UGT2A1: variants seen among roughly 807,000 people sequenced by gnomAD.
UGT2A1 encodes the protein UDP glucuronosyltransferase family 2 member A1 complex locus.
UGT2A1 carries 61 observed loss-of-function variants against 45.4 expected under a neutral mutation model. The ratio of observed to expected loss-of-function variants is 1.34; its 90% confidence interval spans 1.09 to 1.66. The LOEUF (loss-of-function observed/expected upper bound fraction) is 1.66. Among genes scored for constraint, UGT2A1 ranks in the 40% most tolerant of loss-of-function variants. UGT2A1 has a pLI of 0.00. For missense variants in UGT2A1, 649 were observed against 574.3 expected (o/e 1.13, Z -1.33); for synonymous variants, 229 against 196.2 (o/e 1.17, Z -1.40).
Position 69,603,883 on chromosome 4 carries a change from A to C in UGT2A1, c.848-4489T>G, listed in dbSNP as rs956370645. On this transcript the variant is annotated intron_variant, in intron 3 of 6. Coordinates refer to ENST00000286604, the MANE Select transcript of UGT2A1 (RefSeq NM_001252275.3). ...GTTTAGAGAAAAAAGAATAAAAAGA[A>C]ACGAACAAAGCCTCCAAGAAATATG... Among the ~76,000 whole-genome samples, 4 of 136,322 alleles carry C rather than the reference A, an allele frequency of 2.9e-5. 1 individual carries two copies. Among genetic ancestry groups the C allele is most frequent in the African/African-American group, 1.2e-4 (4 of 33,594 alleles). 89.4% of individuals were successfully genotyped at this position (136,322 alleles called of 152,430 possible). A position where few individuals can be genotyped will look rare whatever the true frequency, so the allele number is the denominator to read the frequency against.
rs146047027 is a variant in UGT2A1, at chr4:69,594,585, T to C, written c.1196A>G (p.Asp399Gly). The change falls in exon 6 of 7, where the codon GAT becomes GGT. Residue 399 changes from aspartate (D) to glycine (G), a missense_variant. Asp to Gly is a moderately conservative substitution (Grantham distance 94). Coordinates refer to ENST00000286604, the MANE Select transcript of UGT2A1 (RefSeq NM_001252275.3). Reference sequence around the variant, plus strand: ...TTTGGCCTTCATGTGAGCAATGTTATCAGGCTGATCAGCAAACATGGGAAC... The same window carrying C: ...TTTGGCCTTCATGTGAGCAATGTTACCAGGCTGATCAGCAAACATGGGAAC... The part of the protein sequence containing the change: ...VGVPMFADQP[D>G]NIAHMKAKGA... 1.2e-6 allele frequency: 2 copies of C among 1,614,046 alleles called. No homozygotes were observed. The highest frequency in any genetic ancestry group is 1.3e-5 in the African/African-American group (1 of 74,932).
intron 3 of UGT2A1, among the ~76,000 whole-genome samples, chr4:69,632,670 A>T (rs1721451916): frequency 6.6e-6 from 1 of 152,086 alleles, no homozygotes; most frequent in South Asian, 2.1e-4. Flanking sequence ...CGGGCAGATC[A>T]CAAAGTCAAG....
chr4:69,647,566 G>C lies in UGT2A1; in HGVS notation c.79C>G (p.Pro27Ala). The change falls in exon 2 of 7, where the codon CCA (proline) becomes GCA (alanine). Residue 27 changes from proline (P) to alanine (A), a missense_variant. Transcript: ENST00000286604. Reference sequence around the variant, plus strand: ...TTTAGCCAATGACTACCTTCCATTGGCCAAATCAAAACATTCCCACCAAGA... The same window carrying C: ...TTTAGCCAATGACTACCTTCCATTGCCCAAATCAAAACATTCCCACCAAGA... ...TTLGGNVLIWPMEGSHWLNVK... is the reference protein window; with the variant it reads ...TTLGGNVLIWAMEGSHWLNVK... 6.2e-7 allele frequency: 1 copy of C among 1,611,704 alleles called. No individual in the cohort carries two copies. Among genetic ancestry groups the C allele is most frequent in the Non-Finnish European group, 8.5e-7 (1 of 1,178,800 alleles).
At chr4:69,636,491 T>C (rs1297313295) in intron 2 of UGT2A1, among the ~76,000 whole-genome samples, 3 of 152,066 alleles carry the variant, frequency 2.0e-5, no homozygotes, top group Non-Finnish European at 2.9e-5. Flanking sequence ...GTAAATAGGA[T>C]ATTTAATTTC....
intron 2 of UGT2A1, among the ~76,000 whole-genome samples, chr4:69,636,147 T>A (rs1721698173): frequency 6.6e-6 from 1 of 152,172 alleles, no homozygotes; most frequent in African/African-American, 2.4e-5. Context: ...TTTGGAGTTC[T>A]TCTTTGTCAC....
chr4:69,594,543 A>C lies in UGT2A1; in HGVS notation c.1238T>G (p.Val413Gly), dbSNP rs777946521. Residue 413 changes from valine to glycine, a missense_variant, in exon 6 of 7, where the codon GTG becomes GGG. By Grantham distance (109) the Val-to-Gly change is moderately radical. Coordinates refer to ENST00000286604, the MANE Select transcript of UGT2A1 (RefSeq NM_001252275.3). ...CACACTTGTCATTGTGTTTAGGTTC[A>C]CTTCCACAGCTGCTCCTTTGGCCTT... The part of the protein sequence containing the change: ...HMKAKGAAVE[V>G]NLNTMTSVDL... The C allele has an allele frequency of 1.2e-6, 2 of 1,614,058 alleles. No homozygotes were observed. The highest frequency in any genetic ancestry group is 2.7e-5 in the African/African-American group (2 of 74,932).
intron 4 of UGT2A1, among the ~76,000 whole-genome samples, chr4:69,596,615 C>T (rs906400759): frequency 1.3e-5 from 2 of 152,062 alleles, no homozygotes; most frequent in African/African-American, 2.4e-5. Context: ...CTCACCTCCC[C>T]GGTTCAAGTG....
At position 69,652,542 on chromosome 4, in the gene UGT2A1, A is replaced by G. The variant is rs151135146; in HGVS notation, c.-55+646T>C. ...CTCCTCGGCCTCCCAAAGTGCTGGG[A>G]TTACAGGGGTGAGCCACCGCGCCTG... On this transcript the variant is annotated intron_variant, in intron 1 of 6. Coordinates refer to ENST00000286604, the MANE Select transcript of UGT2A1 (RefSeq NM_001252275.3). Among the ~76,000 whole-genome samples, 26 of 152,166 alleles carry G rather than the reference A, an allele frequency of 1.7e-4. No homozygotes were observed. In the East Asian group the frequency reaches 5.0e-3, roughly 29 times the overall value.
chr4:69,649,978 CT>C (rs1164804188), intron 1 of UGT2A1, among the ~76,000 whole-genome samples: 1 of 152,004 alleles, frequency 6.6e-6, no homozygotes, highest in Admixed American at 6.6e-5. Flanking sequence ...AAATAAAAAT[CT>C]TTTTTTGTGT....
At chr4:69,595,905 C>G (rs1038007667) in intron 4 of UGT2A1, among the ~76,000 whole-genome samples, 2 of 152,074 alleles carry the variant, frequency 1.3e-5, no homozygotes, top group Non-Finnish European at 2.9e-5. Flanking sequence ...TTTCCTGGAC[C>G]ATGGAGCTAA....
intron 4 of UGT2A1, among the ~76,000 whole-genome samples, chr4:69,597,465 A>C (rs1451121306): frequency 1.3e-5 from 2 of 152,280 alleles, no homozygotes; most frequent in Non-Finnish European, 1.5e-5. Flanking sequence ...CTTTCACATC[A>C]TATCTATATG....
At position 69,593,967 on chromosome 4, in the gene UGT2A1, C is replaced by CTTTTTTTTTTTTTTTTTTTTTTTTTTT. The variant is rs200066453; in HGVS notation, c.1304+509_1304+510insAAAAAAAAAAAAAAAAAAAAAAAAAAA. Among the ~76,000 whole-genome samples, 3 of 107,818 alleles carry CTTTTTTTTTTTTTTTTTTTTTTTTTTT rather than the reference C, an allele frequency of 2.8e-5. 1 individual carries two copies. The highest frequency in any genetic ancestry group is 7.0e-5 in the African/African-American group (2 of 28,582). The allele number at this position is 107,818 out of a possible 152,430, so 70.7% of individuals were successfully genotyped here. A position where few individuals can be genotyped will look rare whatever the true frequency, so the allele number is the denominator to read the frequency against. On this transcript the variant is annotated intron_variant, in intron 6 of 6. Transcript: ENST00000286604. ...AAAATATTGAAATAATATTTGAAGT[C>CTTTTTTTTTTTTTTTTTTTTTTTTTTT]TTTTTTTTTGTTTGTTTTTTTTTTT...
Position 69,588,745 on chromosome 4 carries a change from G to T in UGT2A1, c.*627C>A, listed in dbSNP as rs532343123. ...ATATAAGAATATATGTTGAAGAAAG[G>T]CAGGCAAGTTATGCCGTGATTTTCT... On this transcript the variant is annotated 3_prime_UTR_variant, in exon 7 of 7. Transcript: ENST00000286604. 1 of 151,958 alleles carries T rather than the reference G, an allele frequency of 6.6e-6. No individual in the cohort carries two copies. Among genetic ancestry groups the T allele is most frequent in the Non-Finnish European group, 1.5e-5 (1 of 68,006 alleles). 9.4% of individuals were successfully genotyped at this position (151,958 alleles called of 1,614,324 possible).
At chr4:69,639,234 T>A (rs1376522752) in intron 2 of UGT2A1, 1 of 1,613,730 alleles carries the variant, frequency 6.2e-7, no homozygotes, top group Admixed American at 1.7e-5. Flanking sequence ...TAGTACACCA[T>A]CACAGAGTTG....
chr4:69,639,629 T>C (rs1396306472), intron 2 of UGT2A1: 6 of 1,581,184 alleles, frequency 3.8e-6, no homozygotes, highest in Non-Finnish European at 5.1e-6. Context: ...TAAAATCCCT[T>C]ATGGAAACCA....
intron 3 of UGT2A1, among the ~76,000 whole-genome samples, chr4:69,624,879 C>A (rs1720952818): frequency 1.3e-5 from 2 of 151,190 alleles, no homozygotes; most frequent in African/African-American, 4.8e-5. Context: ...GACTTATTTA[C>A]AATTTTTGTC....
At chr4:69,625,622 T>C (rs530804457) in intron 3 of UGT2A1, among the ~76,000 whole-genome samples, 15 of 151,542 alleles carry the variant, frequency 9.9e-5, no homozygotes, top group African/African-American at 3.6e-4. Flanking sequence ...ATAGAAATTT[T>C]ATTTTTCTCA....
rs141808474 is a variant in UGT2A1, at chr4:69,622,303, G to A, written c.847+13388C>T. Among the ~76,000 whole-genome samples the A allele has an allele frequency of 1.8e-3, 271 of 151,496 alleles. 3 individuals carry two copies. Among genetic ancestry groups the A allele is most frequent in the African/African-American group, 5.8e-3 (242 of 41,390 alleles). Reference sequence around the variant, plus strand: ...TATAATGTATAACACCACAAAGATGGGAAATTGGCATACAAAAAGTTAGAG... The same window carrying A: ...TATAATGTATAACACCACAAAGATGAGAAATTGGCATACAAAAAGTTAGAG... On this transcript the variant is annotated intron_variant, in intron 3 of 6. Transcript: ENST00000286604.
chr4:69,594,995 C>A (rs145169417), intron 5 of UGT2A1, among the ~76,000 whole-genome samples, 167 bp downstream of exon 5: 52 of 152,212 alleles, frequency 3.4e-4, no homozygotes, highest in African/African-American at 1.3e-3. Context: ...CAGAGGAAGC[C>A]TGAGTCTATA....
Sources: allele counts gnomAD v4.1 joint callset (sites outside exome capture counted in the v4.1 genomes callset), GRCh38; gene constraint gnomAD v4.1.1; transcripts MANE v1.5; gene names NCBI Gene and HGNC (gene_info 2026-07-23, HGNC 2026-07-21).